The following TMTC4 variants were observed in gnomAD, a reference collection of about 807,000 sequenced individuals.
TMTC4 encodes protein O-mannosyl-transferase TMTC4.
A neutral mutation model predicts 86.0 loss-of-function variants in TMTC4; 65 were observed. That is an observed-to-expected ratio of 0.76 (90% CI 0.62 to 0.93). The LOEUF is 0.93. TMTC4 is among the 40% of genes least tolerant of loss of function. The pLI, the probability that TMTC4 is intolerant of heterozygous loss-of-function variation, is 0.00. For missense variants in TMTC4, 866 were observed against 948.1 expected, an observed-to-expected ratio of 0.91 and a Z score of 1.14; for synonymous variants, 379 against 382.5, an observed-to-expected ratio of 0.99 and a Z score of 0.11.
Position 100,605,200 on chromosome 13 carries a change from C to A in TMTC4, c.2135-58G>T. 1 of 1,560,650 alleles carries A rather than the reference C, an allele frequency of 6.4e-7. No homozygotes were observed. The highest frequency in any genetic ancestry group is 1.2e-5 in the South Asian group (1 of 83,246). On this transcript the variant is annotated intron_variant, in intron 18 of 18. Coordinates refer to ENST00000342624, the MANE Select transcript of TMTC4 (RefSeq NM_032813.5). This position sits in a 1 kb window ranked among gnomAD's most constrained non-coding sequence, Gnocchi z 4.3. ...TGCTTCTGAGTAACGTGCCGTATTC[C>A]TACCCTCTTGGACAAAGAAATATTA...
intron 18 of TMTC4, among the ~76,000 whole-genome samples, chr13:100,606,072 C>T (rs1236901318): frequency 1.7e-4 from 26 of 152,214 alleles, no homozygotes; most frequent in Non-Finnish European, 1.2e-4. Flanking sequence ...GCCTCATTCT[C>T]TTGATCCAAT....
At chr13:100,611,699 T>C (rs1594229232) in intron 17 of TMTC4, among the ~76,000 whole-genome samples, 2 of 152,368 alleles carry the variant, frequency 1.3e-5, no homozygotes, top group East Asian at 3.9e-4. Flanking sequence ...TTTAACAAGC[T>C]TCCTCAGTGA....
chr13:100,645,785 C>T (rs1018804076), intron 6 of TMTC4, among the ~76,000 whole-genome samples: 2 of 152,164 alleles, frequency 1.3e-5, no homozygotes, highest in Non-Finnish European at 2.9e-5. Flanking sequence ...ATTCCCGAGT[C>T]GAGGGTCTGT....
At chr13:100,655,303 G>C (rs949672145) in intron 6 of TMTC4, among the ~76,000 whole-genome samples, 1 of 152,100 alleles carries the variant, frequency 6.6e-6, no homozygotes, top group African/African-American at 2.4e-5. Flanking sequence ...GATTACAGGC[G>C]TAAGCCACCG....
chr13:100,609,176 C>T (rs1033077921), intron 17 of TMTC4, among the ~76,000 whole-genome samples: 1 of 152,042 alleles, frequency 6.6e-6, no homozygotes, highest in African/African-American at 2.4e-5. Context: ...GTGTGTGGGC[C>T]CCACCCTCTA....
chr13:100,617,998 CCT>C (rs1878781441), intron 15 of TMTC4, among the ~76,000 whole-genome samples: 1 of 152,152 alleles, frequency 6.6e-6, no homozygotes, highest in East Asian at 1.9e-4. Flanking sequence ...GTTTGTGTCA[CCT>C]CTGATTTCTT....
intron 15 of TMTC4, among the ~76,000 whole-genome samples, chr13:100,623,237 T>C (rs1879818637): frequency 6.6e-6 from 1 of 152,218 alleles, no homozygotes; most frequent in South Asian, 2.1e-4. Context: ...TTATTTTACT[T>C]ACTTAATTTT....
At chr13:100,626,432 A>C (rs575678744) in intron 12 of TMTC4, among the ~76,000 whole-genome samples, 1 of 152,276 alleles carries the variant, frequency 6.6e-6, no homozygotes, top group South Asian at 2.1e-4. Context: ...GAAAACTACA[A>C]AGCTGGGCTT....
At chr13:100,674,685 GT>G (rs1211635045) in intron 1 of TMTC4, 58 bp downstream of exon 1, 1 of 982,978 alleles carries the variant, frequency 1.0e-6, no homozygotes, top group Non-Finnish European at 1.2e-6. Context: ...CCCGCTCCGC[GT>G]CCAACTCCGC....
At chr13:100,666,460 C>A (rs886573968) in intron 3 of TMTC4, among the ~76,000 whole-genome samples, 3 of 152,182 alleles carry the variant, frequency 2.0e-5, no homozygotes, top group African/African-American at 7.2e-5. Flanking sequence ...CTTCATCTGC[C>A]TCACCTCACA....
At chr13:100,630,640 T>C (rs1017799026) in intron 12 of TMTC4, among the ~76,000 whole-genome samples, 3 of 152,144 alleles carry the variant, frequency 2.0e-5, no homozygotes, top group African/African-American at 7.2e-5. Flanking sequence ...GTGATGTCCT[T>C]GTAGTCCTCA....
Position 100,625,790 on chromosome 13 carries a change from T to G in TMTC4, c.1689A>C (p.Gln563His). 6.2e-7 allele frequency: 1 copy of G among 1,613,248 alleles called. No individual in the cohort carries two copies. Among genetic ancestry groups the G allele is most frequent in the Non-Finnish European group, 8.5e-7 (1 of 1,179,912 alleles). Residue 563 changes from glutamine to histidine, a missense_variant, in exon 14 of 19, where the codon CAA becomes CAC. By Grantham distance (24) the Gln-to-His change is conservative. Coordinates refer to ENST00000342624, the MANE Select transcript of TMTC4 (RefSeq NM_032813.5). Reference sequence around the variant, plus strand: ...ATTATAAAAACAATGCTTACTGTATTTGAACAGCCAAAGACAGCAGCTCCT... The same window carrying G: ...ATTATAAAAACAATGCTTACTGTATGTGAACAGCCAAAGACAGCAGCTCCT... ...EAEELLSLAV[Q>H]IQPDFAAAWM...
chr13:100,674,971 A>G (rs958367818), upstream of TMTC4: 7 of 985,528 alleles, frequency 7.1e-6, no homozygotes, highest in South Asian at 4.7e-5. Context: ...CTTTCAGGCC[A>G]CAGCCAAGTC....
chr13:100,662,135 T>C (rs982080906), intron 5 of TMTC4, among the ~76,000 whole-genome samples: 22 of 151,362 alleles, frequency 1.5e-4, no homozygotes, highest in African/African-American at 5.3e-4. Context: ...TGCTGATGTA[T>C]TTGGTGTTGA....
chr13:100,674,248 G>T, intron 1 of TMTC4: 1 of 980,328 alleles, frequency 1.0e-6, no homozygotes, highest in Non-Finnish European at 1.2e-6. Context: ...CTCGCGGCGC[G>T]GCGGGGGAGC....
At chr13:100,642,061 G>A (rs1427687559) in intron 7 of TMTC4, 150 bp downstream of exon 7, 1 of 672,414 alleles carries the variant, frequency 1.5e-6, no homozygotes, top group Non-Finnish European at 2.5e-6. Flanking sequence ...GACAGCGAAA[G>A]CCATTTGTCC....
intron 17 of TMTC4, 97 bp downstream of exon 17, chr13:100,612,301 G>T: frequency 1.1e-6 from 1 of 948,412 alleles, no homozygotes; most frequent in Non-Finnish European, 1.6e-6. Flanking sequence ...CCACTGTTTT[G>T]GCCTGATTCC....
chr13:100,668,815 T>C (rs753453464), intron 2 of TMTC4, 21 bp from the exon 3 acceptor site: 11 of 1,611,922 alleles, frequency 6.8e-6, no homozygotes, highest in Non-Finnish European at 9.3e-6. Flanking sequence ...AACAACACTG[T>C]ATAAATATTC....
rs1244086780 is a variant in TMTC4, at chr13:100,605,005, T to G, written c.2272A>C (p.Lys758Gln). 6.2e-7 allele frequency: 1 copy of G among 1,613,462 alleles called. No homozygotes were observed. The highest frequency in any genetic ancestry group is 8.5e-7 in the Non-Finnish European group (1 of 1,179,836). The change falls in exon 19 of 19, where the codon AAA becomes CAA. Residue 758 changes from lysine (K) to glutamine (Q), a missense_variant. Transcript: ENST00000342624. This position sits in a 1 kb window ranked among gnomAD's most constrained non-coding sequence, Gnocchi z 4.3. ...TGAAGGAAACAGGATCAGACAGCTT[T>G]CTTTTGCATTAGTTCTAGCTTTCTT... ...LRRKLELMQKKAV is the reference protein window; with the variant it reads ...LRRKLELMQKQAV
Sources: gnomAD v4.1 joint callset for allele counts (sites outside exome capture counted in the v4.1 genomes callset) on GRCh38, gnomAD v4.1.1 for gene constraint, Gnocchi (gnomAD v3.1) non-coding constraint, MANE v1.5 for transcripts, NCBI Gene and HGNC (gene_info 2026-07-23, HGNC 2026-07-21) for gene names.